The following PXN variants were observed in gnomAD, a reference collection of about 807,000 sequenced individuals.
The protein encoded by PXN is paxillin, also known as testicular tissue protein Li 134.
Under a neutral mutation model 103.6 loss-of-function variants are expected in PXN, and 61 were observed. The observed-to-expected ratio is 0.59, with a 90% CI of 0.48 to 0.73. PXN has a LOEUF of 0.73. Ranked by LOEUF, PXN falls within the 30% of genes least tolerant of loss-of-function variation. The probability of loss-of-function intolerance (pLI) is 0.00; values close to 1 mark genes in which losing one functional copy is unlikely to be tolerated. For synonymous variants in PXN, 562 were observed against 607.8 expected (o/e 0.92, Z 1.11); for missense variants, 1,274 against 1,460.3 (o/e 0.87, Z 2.08).
rs780899589 is a variant in PXN at position 120,216,059 on chromosome 12, A to G, written c.2301+214T>C. ...TCGAGGAAGGAGCAGACATGGGTGG[A>G]CCCACAGAAAAGCAAGAGGGCAGCG... On this transcript the variant is annotated intron_variant, in intron 9 of 14. Coordinates refer to ENST00000637617, the MANE Select transcript of PXN (RefSeq NM_001385981.1). This position sits in a 1 kb window ranked among gnomAD's most constrained non-coding sequence, Gnocchi z 5.1. 1 of 1,314,792 alleles carries G rather than the reference A, an allele frequency of 7.6e-7. No homozygotes were observed. Among genetic ancestry groups the G allele is most frequent in the Non-Finnish European group, 9.7e-7 (1 of 1,033,860 alleles). The allele number at this position is 1,314,792 out of a possible 1,614,324, so 81.4% of individuals were successfully genotyped here.
chr12:120,224,842 C>A lies in PXN; in HGVS notation c.14-465G>T. 2 of 421,514 alleles carry A rather than the reference C, an allele frequency of 4.7e-6. No homozygotes were observed. Among genetic ancestry groups the A allele is most frequent in the South Asian group, 3.3e-5 (2 of 60,674 alleles). The allele number at this position is 421,514 out of a possible 1,614,324, so 26.1% of individuals were successfully genotyped here. On this transcript the variant is annotated intron_variant, in intron 1 of 14. Coordinates refer to ENST00000637617, the MANE Select transcript of PXN (RefSeq NM_001385981.1). This position sits in a 1 kb window ranked among gnomAD's most constrained non-coding sequence, Gnocchi z 5.0. Reference sequence around the variant, plus strand: ...GAGCTTAGGCTTTCCCAGCCCCCGACTGGAAGGGGCACTCAGGATGGTCCC... The same window carrying A: ...GAGCTTAGGCTTTCCCAGCCCCCGAATGGAAGGGGCACTCAGGATGGTCCC...
At chr12:120,263,483 A>C (rs1894197999) in intron 1 of PXN, among the ~76,000 whole-genome samples, 1 of 152,158 alleles carries the variant, frequency 6.6e-6, no homozygotes, top group African/African-American at 2.4e-5. Context: ...CCAGGAAAAA[A>C]AGTCTTCTCG....
At position 120,215,611 on chromosome 12, in the gene PXN, G is replaced by T. The variant is rs200096022; in HGVS notation, c.2352C>A (p.Gly784=). The change falls in exon 10 of 15, where the codon GGC becomes GGA. Residue 784 remains glycine, a synonymous_variant. Coordinates refer to ENST00000637617, the MANE Select transcript of PXN (RefSeq NM_001385981.1). The surrounding 1 kb of genome is among the most constrained non-coding windows in gnomAD (Gnocchi z 4.9). ...TGCTCCGCCCGCCGTCCCGAGGCCA[G>T]CCGGCCGCCCAGCACCGCTCCCCAT... is the stretch of plus-strand genomic sequence containing the variant. The part of the protein sequence containing the change: ...RADGERCWAA[G]WPRDGGRSSP... 1.8e-4 allele frequency: 289 copies of T among 1,611,144 alleles called. 2 individuals are homozygous for T. The African/African-American group carries it at 3.5e-3, about 19-fold the overall frequency.
chr12:120,235,679 C>A (rs562950474), intron 1 of PXN, among the ~76,000 whole-genome samples: 31 of 152,282 alleles, frequency 2.0e-4, no homozygotes, highest in Middle Eastern at 3.4e-3. Flanking sequence ...TCTGCCTCCT[C>A]CTCACCCTCT....
chr12:120,240,054 C>G (rs111484181), intron 1 of PXN, among the ~76,000 whole-genome samples: 2,489 of 152,048 alleles, frequency 0.016, 32 homozygotes, highest in South Asian at 0.061. Flanking sequence ...AGGTCCAGCT[C>G]TGCCACTTGC....
chr12:120,218,754 G>C (rs1283336943), intron 7 of PXN, among the ~76,000 whole-genome samples: 1 of 152,246 alleles, frequency 6.6e-6, no homozygotes. Context: ...ACCACATGCT[G>C]TGTTCTAAAC....
Position 120,212,143 on chromosome 12 carries a change from G to T in PXN, c.*171C>A. On this transcript the variant is annotated 3_prime_UTR_variant, in exon 15 of 15. Coordinates refer to ENST00000637617, the MANE Select transcript of PXN (RefSeq NM_001385981.1). The surrounding 1 kb of genome is among the most constrained non-coding windows in gnomAD (Gnocchi z 7.2). Reference sequence around the variant, plus strand: ...GGGGCCCAGAGGCTCTGGCAGGGGTGAAGACAAGCAGGGGGACCCCTCACG... The same window carrying T: ...GGGGCCCAGAGGCTCTGGCAGGGGTTAAGACAAGCAGGGGGACCCCTCACG... 1.0e-6 allele frequency: 1 copy of T among 1,001,372 alleles called. No homozygotes were observed. The highest frequency in any genetic ancestry group is 1.5e-6 in the Non-Finnish European group (1 of 657,780). The allele number at this position is 1,001,372 out of a possible 1,614,324, so 62.0% of individuals were successfully genotyped here. A position where few individuals can be genotyped will look rare whatever the true frequency, so the allele number is the denominator to read the frequency against.
At position 120,212,257 on chromosome 12, in the gene PXN, A is replaced by C; in HGVS notation, c.*57T>G. On this transcript the variant is annotated 3_prime_UTR_variant, in exon 15 of 15. Coordinates refer to ENST00000637617, the MANE Select transcript of PXN (RefSeq NM_001385981.1). The surrounding 1 kb of genome is among the most constrained non-coding windows in gnomAD (Gnocchi z 7.2). ...CACCCCCGGGTGAAGTCTCTAGGTC[A>C]CAGTCGCAGTTGGGGATGCTGGCTG... 2 of 1,581,934 alleles carry C rather than the reference A, an allele frequency of 1.3e-6. No individual in the cohort carries two copies. The highest frequency in any genetic ancestry group is 1.7e-6 in the Non-Finnish European group (2 of 1,165,810).
Position 120,223,781 on chromosome 12 carries a change from G to A in PXN, c.293C>T (p.Ser98Phe), listed in dbSNP as rs1373022949. 4 of 1,610,480 alleles carry A rather than the reference G, an allele frequency of 2.5e-6. No individual in the cohort carries two copies. The highest frequency in any genetic ancestry group is 2.7e-5 in the African/African-American group (2 of 74,900). The stretch of plus-strand genomic sequence containing the variant: ...AGAGCCAACACTGTCCTGAGGGTTG[G>A]AGACACTGGAAGTTTTGGCACTGGA... The part of the protein sequence containing the change: ...YGSSAKTSSV[S>F]NPQDSVGSPC... The change falls in exon 3 of 15, where the codon TCC (serine) becomes TTC (phenylalanine). Residue 98 changes from serine to phenylalanine, a missense_variant. This residue lies in a region of PXN where 1,178 missense variants were observed against 1,309.0 expected (regional missense o/e 0.90). Coordinates refer to ENST00000637617, the MANE Select transcript of PXN (RefSeq NM_001385981.1).
chr12:120,259,204 C>A (rs1893484106), intron 1 of PXN, among the ~76,000 whole-genome samples: 1 of 152,086 alleles, frequency 6.6e-6, no homozygotes, highest in African/African-American at 2.4e-5. Context: ...CCAGCCTAAA[C>A]AATATGGTGA....
chr12:120,215,997 T>C lies in PXN; in HGVS notation c.2301+276A>G. Reference sequence around the variant, plus strand: ...TGGTCTCCCTTCTGGAGTGGCTTCTTTCCTCGATGGGAGCCCGGGGCAGTA... The same window carrying C: ...TGGTCTCCCTTCTGGAGTGGCTTCTCTCCTCGATGGGAGCCCGGGGCAGTA... On this transcript the variant is annotated intron_variant, in intron 9 of 14. Coordinates refer to ENST00000637617, the MANE Select transcript of PXN (RefSeq NM_001385981.1). The surrounding 1 kb of genome is among the most constrained non-coding windows in gnomAD (Gnocchi z 4.9). 2 of 1,355,240 alleles carry C rather than the reference T, an allele frequency of 1.5e-6. No homozygotes were observed. Among genetic ancestry groups the C allele is most frequent in the Non-Finnish European group, 1.9e-6 (2 of 1,054,172 alleles). 84.0% of individuals were successfully genotyped at this position (1,355,240 alleles called of 1,614,324 possible). A position where few individuals can be genotyped will look rare whatever the true frequency, so the allele number is the denominator to read the frequency against.
intron 1 of PXN, among the ~76,000 whole-genome samples, chr12:120,254,739 CG>C (rs1198485602): frequency 5.3e-5 from 8 of 151,818 alleles, no homozygotes; most frequent in Non-Finnish European, 1.2e-4. Flanking sequence ...TTAGTAGAGA[CG>C]GGGTTTCACC....
In PXN at chr12:120,219,702, C is replaced by T. The variant is rs530896338; in HGVS notation, c.1221G>A (p.Gly407=). The T allele has an allele frequency of 2.5e-6, 4 of 1,594,314 alleles. No homozygotes were observed. The highest frequency in any genetic ancestry group is 3.4e-5 in the Admixed American group (2 of 59,248). The change falls in exon 7 of 15, where the codon GGG becomes GGA. Residue 407 remains glycine (G), a synonymous_variant. Transcript: ENST00000637617. The surrounding 1 kb of genome is among the most constrained non-coding windows in gnomAD (Gnocchi z 6.5). ...APRCHTVPCA[G]STALQEPGEP... is the part of the protein sequence containing the mutation. Reference sequence around the variant, plus strand: ...CCCCAGGCTCTTGGAGAGCTGTGCTCCCAGCACAGGGTACAGTGTGGCAGC... The same window carrying T: ...CCCCAGGCTCTTGGAGAGCTGTGCTTCCAGCACAGGGTACAGTGTGGCAGC...
chr12:120,231,119 C>T (rs1594440859), intron 1 of PXN, among the ~76,000 whole-genome samples: 1 of 152,194 alleles, frequency 6.6e-6, no homozygotes, highest in Admixed American at 6.5e-5. Context: ...CCAGGCCCAG[C>T]GGATGAGTGG....
chr12:120,251,099 G>T (rs572394445), intron 1 of PXN, among the ~76,000 whole-genome samples: 1 of 152,232 alleles, frequency 6.6e-6, no homozygotes, highest in Admixed American at 6.5e-5. Context: ...CAGCTACTCG[G>T]GAGGCTGAGG....
intron 1 of PXN, among the ~76,000 whole-genome samples, chr12:120,245,542 C>T (rs1042566173): frequency 8.6e-5 from 13 of 151,596 alleles, no homozygotes; most frequent in African/African-American, 3.2e-4. Context: ...AATCCCAGCA[C>T]TTTGGGAGGC....
At position 120,224,094 on chromosome 12, in the gene PXN, T is replaced by A; in HGVS notation, c.240+57A>T. ...CCTGGCTCCCTAAGCCCCTGCCAGC[T>A]AAGTTCCCTCTGTCCCCCAGCCTCC... is the stretch of plus-strand genomic sequence containing the variant. On this transcript the variant is annotated intron_variant, in intron 2 of 14. Transcript: ENST00000637617. This position sits in a 1 kb window ranked among gnomAD's most constrained non-coding sequence, Gnocchi z 5.0. 1.5e-6 allele frequency: 2 copies of A among 1,379,010 alleles called. No homozygotes were observed. The highest frequency in any genetic ancestry group is 1.4e-5 in the South Asian group (1 of 71,258). The allele number at this position is 1,379,010 out of a possible 1,614,324, so 85.4% of individuals were successfully genotyped here. A position where few individuals can be genotyped will look rare whatever the true frequency, so the allele number is the denominator to read the frequency against.
chr12:120,251,375 A>G (rs1463402494), intron 1 of PXN, among the ~76,000 whole-genome samples: 1 of 147,550 alleles, frequency 6.8e-6, no homozygotes, highest in East Asian at 2.0e-4. Flanking sequence ...AAAAACAGCC[A>G]GCATAGTGGC....
chr12:120,239,532 G>C (rs1222349082), intron 1 of PXN, among the ~76,000 whole-genome samples: 1 of 152,068 alleles, frequency 6.6e-6, no homozygotes, highest in Non-Finnish European at 1.5e-5. Flanking sequence ...CAGTGAGCCA[G>C]TATCGTGCCA....
Sources: allele counts gnomAD v4.1 joint callset (sites outside exome capture counted in the v4.1 genomes callset), GRCh38; gene constraint gnomAD v4.1.1; regional missense constraint gnomAD v4.1.1; non-coding constraint Gnocchi (gnomAD v3.1); transcripts MANE v1.5; gene names NCBI Gene and HGNC (gene_info 2026-07-23, HGNC 2026-07-21).